THG1L: variants seen among roughly 807,000 people sequenced by gnomAD.
THG1L encodes tRNA-histidine guanylyltransferase 1 like.
THG1L carries 27 observed loss-of-function variants against 35.2 expected under a neutral mutation model. That is an observed-to-expected ratio of 0.77 (90% CI 0.57 to 1.06). THG1L has a LOEUF of 1.06. THG1L is among the 50% of genes least tolerant of loss of function. THG1L has a pLI of 0.00. For missense variants in THG1L, 377 were observed against 371.8 expected, an observed-to-expected ratio of 1.01 and a Z score of -0.12; for synonymous variants, 135 against 132.4, an observed-to-expected ratio of 1.02 and a Z score of -0.14.
At chr5:157,734,430 G>A in intron 2 of THG1L, 146 bp from the exon 3 acceptor site, 2 of 927,864 alleles carry the variant, frequency 2.2e-6, no homozygotes, top group Non-Finnish European at 3.3e-6. Flanking sequence ...TTAAAATAGT[G>A]TTTCTTAGCC....
intron 5 of THG1L, 61 bp downstream of exon 5, chr5:157,738,055 C>T: frequency 1.5e-6 from 2 of 1,314,016 alleles, no homozygotes; most frequent in South Asian, 1.2e-5. Context: ...TGTGCCCATT[C>T]CAAGCTGTGC....
chr5:157,732,088 G>A (rs1242708557), intron 1 of THG1L, among the ~76,000 whole-genome samples: 1 of 151,926 alleles, frequency 6.6e-6, no homozygotes, highest in Non-Finnish European at 1.5e-5. Flanking sequence ...ATTCAACAGA[G>A]AGTCAGAAAA....
chr5:157,736,525 C>G (rs991047548), intron 4 of THG1L, among the ~76,000 whole-genome samples: 1 of 152,204 alleles, frequency 6.6e-6, no homozygotes, highest in African/African-American at 2.4e-5. Flanking sequence ...GCTGGGATTA[C>G]AGGCGTGAGC....
intron 5 of THG1L, among the ~76,000 whole-genome samples, chr5:157,739,065 C>T (rs533632488): frequency 3.3e-5 from 5 of 151,932 alleles, no homozygotes; most frequent in Non-Finnish European, 5.9e-5. Context: ...TGAGCCACCG[C>T]GCTCGGATAA....
chr5:157,739,160 C>T (rs973166081), intron 5 of THG1L, among the ~76,000 whole-genome samples, 161 bp from the exon 6 acceptor site: 8 of 152,042 alleles, frequency 5.3e-5, no homozygotes, highest in African/African-American at 1.4e-4. Context: ...TACACACATA[C>T]ATATATGCGC....
chr5:157,735,912 T>A lies in THG1L; in HGVS notation c.605T>A (p.Val202Glu). 6.2e-7 allele frequency: 1 copy of A among 1,606,232 alleles called. No individual in the cohort carries two copies. Among genetic ancestry groups the A allele is most frequent in the Non-Finnish European group, 8.5e-7 (1 of 1,176,442 alleles). Residue 202 changes from valine to glutamate, a missense_variant, in exon 4 of 6, where the codon GTA (valine) becomes GAA (glutamate). Val to Glu is a moderately radical substitution (Grantham distance 121). Transcript: ENST00000231198. ...ATACAACAATCTGGACTAACACCAGTACAAGCCCAAGGGAGATTACAGGTA... is the reference window on the plus strand; with the variant it reads ...ATACAACAATCTGGACTAACACCAGAACAAGCCCAAGGGAGATTACAGGTA... ...ALIQQSGLTP[V>E]QAQGRLQGTL...
chr5:157,737,328 C>T (rs1355783258), intron 4 of THG1L, among the ~76,000 whole-genome samples: 1 of 151,914 alleles, frequency 6.6e-6, no homozygotes, highest in Non-Finnish European at 1.5e-5. Context: ...CGCTTCTCTA[C>T]AAAAATTAGC....
intron 2 of THG1L, among the ~76,000 whole-genome samples, chr5:157,733,638 G>A (rs1050878684): frequency 1.3e-5 from 2 of 151,418 alleles, no homozygotes; most frequent in African/African-American, 4.8e-5. Context: ...GCCTGAATTG[G>A]CATTTTTTTT....
intron 1 of THG1L, among the ~76,000 whole-genome samples, chr5:157,732,235 AAAAAAAAAAGAG>A (rs1760745638): frequency 1.8e-5 from 2 of 112,226 alleles, no homozygotes; most frequent in Admixed American, 8.3e-5. Flanking sequence ...AAAAAAAAAA[AAAAAAAAAAGAG>A]AGAGAGAGAG....
chr5:157,739,207 A>T, intron 5 of THG1L, 114 bp from the exon 6 acceptor site: 2 of 913,384 alleles, frequency 2.2e-6, no homozygotes, highest in East Asian at 2.5e-5. Context: ...ATATATCTCA[A>T]ATCTGGCAGT....
At position 157,731,594 on chromosome 5, in the gene THG1L, T is replaced by A; in HGVS notation, c.154T>A (p.Trp52Arg). ...EADDTCLAHC[W>R]VVVRLDGRNF... ...TGACGACACCTGCCTGGCACACTGC[T>A]GGGTGGTAGTGCGGCTGGACGGCCG... Residue 52 changes from tryptophan to arginine, a missense_variant, in exon 1 of 6, where the codon TGG becomes AGG. Transcript: ENST00000231198. 6.2e-7 allele frequency: 1 copy of A among 1,605,024 alleles called. No individual in the cohort carries two copies. Among genetic ancestry groups the A allele is most frequent in the Non-Finnish European group, 8.5e-7 (1 of 1,175,584 alleles).
chr5:157,737,488 A>T (rs1760916499), intron 4 of THG1L, among the ~76,000 whole-genome samples: 1 of 152,218 alleles, frequency 6.6e-6, no homozygotes. Context: ...GTCTAAAAAA[A>T]AAAAAGGCAT....
intron 5 of THG1L, among the ~76,000 whole-genome samples, chr5:157,738,892 T>C (rs1347141726): frequency 6.7e-6 from 1 of 149,360 alleles, no homozygotes; most frequent in Non-Finnish European, 1.5e-5. Flanking sequence ...TGGTGCCATC[T>C]CGGCTCACTG....
rs12516055 is a variant in THG1L, at chr5:157,738,171, G to T, written c.735+177G>T. Among the ~76,000 whole-genome samples the T allele has an allele frequency of 8.7e-3, 1,330 of 152,238 alleles. 23 individuals carry two copies. Among genetic ancestry groups the T allele is most frequent in the African/African-American group, 0.03 (1,240 of 41,534 alleles). Reference sequence around the variant, plus strand: ...TTTAATGTGCATTTTGTCAGTAGTGGTCCGAAATCTCCCATACATAAGCAG... The same window carrying T: ...TTTAATGTGCATTTTGTCAGTAGTGTTCCGAAATCTCCCATACATAAGCAG... On this transcript the variant is annotated intron_variant, in intron 5 of 5. Transcript: ENST00000231198.
chr5:157,738,756 A>G (rs929214046), intron 5 of THG1L: 2 of 337,718 alleles, frequency 5.9e-6, no homozygotes, highest in South Asian at 2.3e-5. Context: ...CTTTAATTCT[A>G]TAGTTATTGC....
chr5:157,735,908 C>T lies in THG1L; in HGVS notation c.601C>T (p.Pro201Ser). Residue 201 changes from proline to serine, a missense_variant, in exon 4 of 6, where the codon CCA becomes TCA. By Grantham distance (74) the Pro-to-Ser change is moderately conservative. Coordinates refer to ENST00000231198, the MANE Select transcript of THG1L (RefSeq NM_017872.5). ...ACTTATACAACAATCTGGACTAACA[C>T]CAGTACAAGCCCAAGGGAGATTACA... ...WALIQQSGLT[P>S]VQAQGRLQGT... 6.2e-7 allele frequency: 1 copy of T among 1,605,508 alleles called. No homozygotes were observed. Among genetic ancestry groups the T allele is most frequent in the Non-Finnish European group, 8.5e-7 (1 of 1,176,400 alleles).
chr5:157,735,797 CA>C, intron 3 of THG1L, 48 bp from the exon 4 acceptor site: 1 of 1,269,084 alleles, frequency 7.9e-7, no homozygotes, highest in Non-Finnish European at 1.1e-6. Context: ...AATGAATATT[CA>C]ATAAAGATTT....
At chr5:157,738,879 C>CGTT (rs1047418482) in intron 5 of THG1L, 4 of 173,150 alleles carry the variant, frequency 2.3e-5, no homozygotes, top group Non-Finnish European at 4.6e-5. Context: ...GGCCGGAGTA[C>CGTT]AGTGGTGCCA....
chr5:157,735,761 G>A (rs976795449), intron 3 of THG1L, 85 bp from the exon 4 acceptor site: 7 of 901,940 alleles, frequency 7.8e-6, no homozygotes, highest in Non-Finnish European at 1.2e-5. Context: ...AAGAGGAGAG[G>A]GTCAGGGCTC....
Sources: gnomAD v4.1 joint callset for allele counts (sites outside exome capture counted in the v4.1 genomes callset) on GRCh38, gnomAD v4.1.1 for gene constraint, MANE v1.5 for transcripts, NCBI Gene and HGNC (gene_info 2026-07-23, HGNC 2026-07-21) for gene names.